Variants in ELAVL2 observed in about 807,000 individuals in gnomAD.
ELAVL2 encodes ELAV like RNA binding protein 2.
A neutral mutation model predicts 34.6 loss-of-function variants in ELAVL2; 4 were observed. That is an observed-to-expected ratio of 0.12 (90% CI 0.06 to 0.26). The LOEUF is 0.26. ELAVL2 is among the 10% of genes least tolerant of loss of function. The probability of loss-of-function intolerance (pLI) is 1.00; values close to 1 mark genes in which losing one functional copy is unlikely to be tolerated. For synonymous variants in ELAVL2, 193 were observed against 154.8 expected (o/e 1.25, Z -1.83); for missense variants, 432 against 442.8 (o/e 0.98, Z 0.22).
Position 23,731,133 on chromosome 9 carries a change from A to G in ELAVL2, c.230-8T>C. 1.2e-6 allele frequency: 2 copies of G among 1,608,552 alleles called. No individual in the cohort carries two copies. On this transcript the variant is annotated splice_polypyrimidine_tract_variant and splice_region_variant and intron_variant, in intron 2 of 6. Coordinates refer to ENST00000397312, the MANE Select transcript of ELAVL2 (RefSeq NM_004432.5). ...CATATCCCAAGCTCTGCCCTAATGA[A>G]AAGGAAGGGGAAAAAGGCATATATT...
intron 2 of ELAVL2, among the ~76,000 whole-genome samples, chr9:23,734,991 T>C (rs1319598428): frequency 6.6e-6 from 1 of 151,180 alleles, no homozygotes; most frequent in Non-Finnish European, 1.5e-5. Context: ...AAACTAAGAT[T>C]CATTTCTTTA....
chr9:23,809,532 T>C (rs138921397), intron 1 of ELAVL2, among the ~76,000 whole-genome samples: 135 of 152,300 alleles, frequency 8.9e-4, no homozygotes, highest in African/African-American at 3.1e-3. Context: ...AATTTCCCTG[T>C]AGAGATTGAA....
At chr9:23,817,707 C>G (rs1415690749) in intron 1 of ELAVL2, among the ~76,000 whole-genome samples, 1 of 152,048 alleles carries the variant, frequency 6.6e-6, no homozygotes, top group South Asian at 2.1e-4. Flanking sequence ...ATTCTTCTAG[C>G]CTTACTAAAA....
intron 1 of ELAVL2, among the ~76,000 whole-genome samples, chr9:23,795,845 G>A (rs1470850810): frequency 6.6e-6 from 1 of 152,148 alleles, no homozygotes; most frequent in African/African-American, 2.4e-5. Context: ...AGCATTTCCA[G>A]GAAATAATTT....
intron 2 of ELAVL2, among the ~76,000 whole-genome samples, chr9:23,738,253 T>G (rs2048350982): frequency 6.6e-6 from 1 of 152,222 alleles, no homozygotes; most frequent in Non-Finnish European, 1.5e-5. Flanking sequence ...TTTGAGAGAA[T>G]CTCAGAACAG....
intron 2 of ELAVL2, among the ~76,000 whole-genome samples, chr9:23,735,825 A>G (rs1186742858): frequency 6.6e-6 from 1 of 152,146 alleles, no homozygotes; most frequent in African/African-American, 2.4e-5. Flanking sequence ...ACAGAGCTGA[A>G]GCACTCCAGA....
At chr9:23,730,918 CTG>C in intron 3 of ELAVL2, 102 bp downstream of exon 3, 2 of 1,042,744 alleles carry the variant, frequency 1.9e-6, no homozygotes, top group Non-Finnish European at 2.7e-6. Flanking sequence ...TCCCAGGTAA[CTG>C]TTTATATGGG....
At chr9:23,721,272 A>G (rs1317481751) in intron 3 of ELAVL2, among the ~76,000 whole-genome samples, 1 of 152,242 alleles carries the variant, frequency 6.6e-6, no homozygotes, top group Admixed American at 6.5e-5. Context: ...AGCCTCTTCA[A>G]AAAGGCCACT....
chr9:23,749,519 C>T (rs1177056669), intron 2 of ELAVL2, among the ~76,000 whole-genome samples: 4 of 142,206 alleles, frequency 2.8e-5, no homozygotes, highest in Non-Finnish European at 4.5e-5. Flanking sequence ...CACTTCCCAC[C>T]TTCGTATAAA....
chr9:23,727,388 C>G (rs2045491310), intron 3 of ELAVL2, among the ~76,000 whole-genome samples: 1 of 152,080 alleles, frequency 6.6e-6, no homozygotes, highest in Admixed American at 6.6e-5. Context: ...ACGTTGAACT[C>G]TGAATGCTAA....
chr9:23,691,572 T>C lies in ELAVL2; in HGVS notation c.*985A>G, dbSNP rs544042404. The C allele has an allele frequency of 6.5e-6, 1 of 152,688 alleles. No homozygotes were observed. The highest frequency in any genetic ancestry group is 1.9e-4 in the East Asian group (1 of 5,178). The allele number at this position is 152,688 out of a possible 1,614,324, so 9.5% of individuals were successfully genotyped here. ...TCTTGCCTGCTCTTATATATTCTTTTGTAAATTTTTTTTATTTGTTTCAAA... is the reference window on the plus strand; with the variant it reads ...TCTTGCCTGCTCTTATATATTCTTTCGTAAATTTTTTTTATTTGTTTCAAA... On this transcript the variant is annotated 3_prime_UTR_variant, in exon 7 of 7. Coordinates refer to ENST00000397312, the MANE Select transcript of ELAVL2 (RefSeq NM_004432.5).
intron 1 of ELAVL2, chr9:23,821,320 G>C (rs544815341): frequency 6.6e-6 from 1 of 152,466 alleles, no homozygotes; most frequent in South Asian, 2.1e-4. Context: ...GTCCCCGCTC[G>C]GCTCCCGCCG....
chr9:23,802,228 T>A (rs954612589), intron 1 of ELAVL2, among the ~76,000 whole-genome samples: 3 of 152,072 alleles, frequency 2.0e-5, no homozygotes. Context: ...GCTCCAAGTA[T>A]GTTGTATGTA....
At chr9:23,790,634 T>C (rs1042164404) in intron 1 of ELAVL2, among the ~76,000 whole-genome samples, 1 of 152,194 alleles carries the variant, frequency 6.6e-6, no homozygotes, top group African/African-American at 2.4e-5. Flanking sequence ...TTACCTTGAA[T>C]AGACAGCCAA....
At chr9:23,817,747 G>A (rs889817285) in intron 1 of ELAVL2, among the ~76,000 whole-genome samples, 1 of 152,116 alleles carries the variant, frequency 6.6e-6, no homozygotes, top group Admixed American at 6.5e-5. Flanking sequence ...CACACAAGCT[G>A]AAAGCCAAAT....
intron 4 of ELAVL2, among the ~76,000 whole-genome samples, chr9:23,702,432 G>A (rs918311434): frequency 1.3e-5 from 2 of 152,100 alleles, no homozygotes; most frequent in Non-Finnish European, 2.9e-5. Flanking sequence ...TCCAGGTTAT[G>A]AAAAATTGTA....
At chr9:23,766,755 T>C (rs2056347703) in intron 1 of ELAVL2, among the ~76,000 whole-genome samples, 1 of 152,192 alleles carries the variant, frequency 6.6e-6, no homozygotes, top group East Asian at 1.9e-4. Context: ...CTTACCTTTA[T>C]GCTGGCCAAC....
At chr9:23,709,371 A>T (rs922230492) in intron 3 of ELAVL2, among the ~76,000 whole-genome samples, 3 of 152,158 alleles carry the variant, frequency 2.0e-5, no homozygotes, top group African/African-American at 7.2e-5. Flanking sequence ...CAGTTACCTA[A>T]GGACTCACAC....
intron 1 of ELAVL2, among the ~76,000 whole-genome samples, chr9:23,814,638 T>A (rs1389003739): frequency 6.6e-6 from 1 of 152,088 alleles, no homozygotes; most frequent in Non-Finnish European, 1.5e-5. Context: ...TCAAAAGTGG[T>A]GTTGAATAAA....
Sources: gnomAD v4.1 joint callset for allele counts (sites outside exome capture counted in the v4.1 genomes callset) on GRCh38, gnomAD v4.1.1 for gene constraint, MANE v1.5 for transcripts, NCBI Gene and HGNC (gene_info 2026-07-23, HGNC 2026-07-21) for gene names.